Variants in GALNT10 observed in about 807,000 individuals in gnomAD.
GALNT10 encodes polypeptide N-acetylgalactosaminyltransferase 10.
A neutral mutation model predicts 75.0 loss-of-function variants in GALNT10; 41 were observed. The ratio of observed to expected loss-of-function variants is 0.55; its 90% CI spans 0.43 to 0.71. The LOEUF (loss-of-function observed/expected upper bound fraction) is 0.71. GALNT10 is among the 30% of genes least tolerant of loss of function. The pLI is 0.00. For synonymous variants in GALNT10, 302 were observed against 313.0 expected (o/e 0.96, Z 0.37); for missense variants, 727 against 818.5 (o/e 0.89, Z 1.36).
chr5:154,196,072 C>T (rs757046815), intron 1 of GALNT10, among the ~76,000 whole-genome samples: 2 of 152,036 alleles, frequency 1.3e-5, no homozygotes, highest in Admixed American at 6.6e-5. Flanking sequence ...TATAGGCATG[C>T]GCCACCAAGC....
rs964609652 is a variant in GALNT10 at position 154,419,992 on chromosome 5, C to T, written c.*3020C>T. ...CCTTTCCAAAGGGGAACTCCAGAGACATTTCATAATGCAAACAGCACTGTT... is the reference window on the plus strand; with the variant it reads ...CCTTTCCAAAGGGGAACTCCAGAGATATTTCATAATGCAAACAGCACTGTT... On this transcript the variant is annotated 3_prime_UTR_variant, in exon 12 of 12. Coordinates refer to ENST00000297107, the MANE Select transcript of GALNT10 (RefSeq NM_198321.4). 6.6e-6 allele frequency: 1 copy of T among 152,252 alleles called. No individual in the cohort carries two copies. The highest frequency in any genetic ancestry group is 2.4e-5 in the African/African-American group (1 of 41,446). 9.4% of individuals were successfully genotyped at this position (152,252 alleles called of 1,614,324 possible).
chr5:154,250,555 C>A (rs1029074320), intron 1 of GALNT10, among the ~76,000 whole-genome samples: 6 of 152,138 alleles, frequency 3.9e-5, no homozygotes, highest in African/African-American at 1.4e-4. Flanking sequence ...TAAAGTTTCT[C>A]ATCGCCCCAA....
At chr5:154,281,961 A>T (rs1341035822) in intron 1 of GALNT10, among the ~76,000 whole-genome samples, 1 of 152,216 alleles carries the variant, frequency 6.6e-6, no homozygotes, top group African/African-American at 2.4e-5. Flanking sequence ...TTTTCTGGTA[A>T]GTTCCATGAG....
chr5:154,396,012 G>A (rs1237381168), intron 7 of GALNT10, among the ~76,000 whole-genome samples: 2 of 152,198 alleles, frequency 1.3e-5, no homozygotes, highest in African/African-American at 2.4e-5. Flanking sequence ...TGTGCAGAGA[G>A]GATGCTCAGG....
intron 1 of GALNT10, among the ~76,000 whole-genome samples, chr5:154,257,969 T>G (rs1388335804): frequency 1.3e-5 from 2 of 152,184 alleles, no homozygotes; most frequent in African/African-American, 4.8e-5. Context: ...TGCATCATGC[T>G]TCTAGAAGTT....
At chr5:154,223,266 T>C (rs1318676095) in intron 1 of GALNT10, among the ~76,000 whole-genome samples, 1 of 152,200 alleles carries the variant, frequency 6.6e-6, no homozygotes, top group Non-Finnish European at 1.5e-5. Context: ...GGCTTGATAA[T>C]CCTCAGAACA....
chr5:154,227,019 A>G (rs1329688333), intron 1 of GALNT10, among the ~76,000 whole-genome samples: 1 of 152,020 alleles, frequency 6.6e-6, no homozygotes, highest in African/African-American at 2.4e-5. Flanking sequence ...GCATGTATCA[A>G]TAGTTTGTTC....
At chr5:154,198,599 G>C (rs775865420) in intron 1 of GALNT10, among the ~76,000 whole-genome samples, 7 of 152,192 alleles carry the variant, frequency 4.6e-5, no homozygotes, top group Non-Finnish European at 8.8e-5. Flanking sequence ...GCATGCAGAG[G>C]CTGCTCTTGG....
intron 4 of GALNT10, among the ~76,000 whole-genome samples, chr5:154,343,803 A>G (rs563531493): frequency 6.6e-6 from 1 of 152,322 alleles, no homozygotes; most frequent in African/African-American, 2.4e-5. Flanking sequence ...AAACTCACCC[A>G]TGAACATTTT....
At chr5:154,284,258 C>A (rs1754082661) in intron 1 of GALNT10, among the ~76,000 whole-genome samples, 1 of 152,114 alleles carries the variant, frequency 6.6e-6, no homozygotes, top group South Asian at 2.1e-4. Flanking sequence ...CGTAACTTGC[C>A]CAAGATCACA....
At chr5:154,286,074 A>G (rs1260845416) in intron 1 of GALNT10, among the ~76,000 whole-genome samples, 1 of 152,236 alleles carries the variant, frequency 6.6e-6, no homozygotes, top group East Asian at 1.9e-4. Flanking sequence ...TCTGAAAGAA[A>G]GGGACTATCT....
At position 154,225,352 on chromosome 5, in the gene GALNT10, A is replaced by G. The variant is rs140381055; in HGVS notation, c.159+34327A>G. Among the ~76,000 whole-genome samples, 1,384 of 149,382 alleles carry G rather than the reference A, an allele frequency of 9.3e-3. 18 individuals are homozygous for G. Among genetic ancestry groups the G allele is most frequent in the African/African-American group, 0.033 (1,341 of 40,668 alleles). On this transcript the variant is annotated intron_variant, in intron 1 of 11. Transcript: ENST00000297107. ...CGTGATCCGCCCACCTCGGCCTCCC[A>G]AAGTGCTGGGGATTACAGGCGTGAG... is the stretch of plus-strand genomic sequence containing the variant.
chr5:154,218,430 C>T (rs1430476277), intron 1 of GALNT10, among the ~76,000 whole-genome samples: 1 of 152,182 alleles, frequency 6.6e-6, no homozygotes, highest in African/African-American at 2.4e-5. Context: ...TTGTACCAGT[C>T]GCTCAAGCTC....
intron 1 of GALNT10, among the ~76,000 whole-genome samples, chr5:154,266,857 G>A (rs189174951): frequency 1.2e-3 from 187 of 152,232 alleles, no homozygotes; most frequent in African/African-American, 4.3e-3. Flanking sequence ...CTCCAGCCTG[G>A]GCGACAGAGC....
At chr5:154,380,973 A>G (rs763572589) in intron 6 of GALNT10, among the ~76,000 whole-genome samples, 17 of 152,172 alleles carry the variant, frequency 1.1e-4, no homozygotes, top group Non-Finnish European at 2.4e-4. Flanking sequence ...CCCAGTACTA[A>G]GCACATTACC....
chr5:154,296,695 G>T (rs73804389), intron 2 of GALNT10, among the ~76,000 whole-genome samples: 1 of 152,124 alleles, frequency 6.6e-6, no homozygotes, highest in African/African-American at 2.4e-5. Flanking sequence ...GGATGGTAGG[G>T]CTGGCCTTGG....
At chr5:154,210,041 G>C (rs1775170972) in intron 1 of GALNT10, among the ~76,000 whole-genome samples, 1 of 152,104 alleles carries the variant, frequency 6.6e-6, no homozygotes, top group African/African-American at 2.4e-5. Flanking sequence ...TTTGGACTTT[G>C]GAATTGAGGC....
At chr5:154,249,591 G>A (rs1753483587) in intron 1 of GALNT10, among the ~76,000 whole-genome samples, 1 of 152,068 alleles carries the variant, frequency 6.6e-6, no homozygotes, top group South Asian at 2.1e-4. Flanking sequence ...TCCCTTTGTG[G>A]GTTTCAGGAT....
At chr5:154,191,619 TA>T (rs769440822) in intron 1 of GALNT10, among the ~76,000 whole-genome samples, 8 of 152,200 alleles carry the variant, frequency 5.3e-5, no homozygotes, top group Non-Finnish European at 1.0e-4. Context: ...TTGCAGAATG[TA>T]AAGATCATGC....
Sources: allele counts gnomAD v4.1 joint callset (sites outside exome capture counted in the v4.1 genomes callset), GRCh38; gene constraint gnomAD v4.1.1; transcripts MANE v1.5; gene names NCBI Gene and HGNC (gene_info 2026-07-23, HGNC 2026-07-21).